SLC8A1: variants seen among roughly 807,000 people sequenced by gnomAD.
The protein encoded by SLC8A1 is solute carrier family 8 member A1.
Under a neutral mutation model 68.3 loss-of-function variants are expected in SLC8A1, and 18 were observed. The observed-to-expected ratio is 0.26, with a 90% CI of 0.18 to 0.39. The LOEUF (loss-of-function observed/expected upper bound fraction) is 0.39. Ranked by LOEUF, SLC8A1 falls within the 10% of genes least tolerant of loss-of-function variation. The pLI is 1.00. For missense variants in SLC8A1, 985 were observed against 1,156.7 expected (o/e 0.85, Z 2.15); for synonymous variants, 475 against 415.5 (o/e 1.14, Z -1.74).
At chr2:40,508,926 G>T (rs1337894001) in intron 1 of SLC8A1, among the ~76,000 whole-genome samples, 1 of 151,974 alleles carries the variant, frequency 6.6e-6, no homozygotes, top group Non-Finnish European at 1.5e-5. Flanking sequence ...TTCCTCAGGG[G>T]TACAATGTGG....
chr2:40,287,710 AG>A (rs1559103721), intron 2 of SLC8A1, among the ~76,000 whole-genome samples: 1 of 151,336 alleles, frequency 6.6e-6, no homozygotes, highest in Non-Finnish European at 1.5e-5. Context: ...GGGGAGGATG[AG>A]GGATAGGGAC....
chr2:40,442,526 G>A (rs1328269219), intron 1 of SLC8A1, among the ~76,000 whole-genome samples: 1 of 151,956 alleles, frequency 6.6e-6, no homozygotes, highest in South Asian at 2.1e-4. Context: ...CTGATCATTA[G>A]AGAAATGCAA....
chr2:40,213,305 T>C (rs1033391817), intron 2 of SLC8A1: 5 of 152,124 alleles, frequency 3.3e-5, no homozygotes, highest in African/African-American at 1.2e-4. Flanking sequence ...CCAAGGGAAA[T>C]AGCCTTTTCT....
At chr2:40,391,015 C>G (rs1304339445) in intron 2 of SLC8A1, among the ~76,000 whole-genome samples, 5 of 151,988 alleles carry the variant, frequency 3.3e-5, no homozygotes, top group Non-Finnish European at 7.4e-5. Flanking sequence ...AGAAAGATTA[C>G]TGACAAGATC....
At chr2:40,317,837 T>C (rs1010456873) in intron 2 of SLC8A1, among the ~76,000 whole-genome samples, 1 of 152,096 alleles carries the variant, frequency 6.6e-6, no homozygotes, top group African/African-American at 2.4e-5. Context: ...ATTTTTGAAA[T>C]TTACATTTTA....
At chr2:40,280,648 A>T (rs1224617318) in intron 2 of SLC8A1, among the ~76,000 whole-genome samples, 2 of 152,218 alleles carry the variant, frequency 1.3e-5, no homozygotes, top group African/African-American at 4.8e-5. Flanking sequence ...CTGGGGTCTT[A>T]CACTTCAGCA....
At position 40,364,509 on chromosome 2, in the gene SLC8A1, C is replaced by CTT. The variant is rs11377656; in HGVS notation, c.1808+63962_1808+63963dup. ...CTTTACAATCTAATAAAATTGAATC[C>CTT]TTTTTTTTTGTTGTTGTTCTCTCCC... On this transcript the variant is annotated intron_variant, in intron 2 of 7. Transcript: ENST00000406785. 2.8e-3 allele frequency among the ~76,000 whole-genome samples: 417 copies of CTT among 148,748 alleles called. 1 individual carries two copies. Among genetic ancestry groups the CTT allele is most frequent in the African/African-American group, 9.0e-3 (363 of 40,448 alleles).
At position 40,387,670 on chromosome 2, in the gene SLC8A1, G is replaced by A. The variant is rs191702102; in HGVS notation, c.1808+40803C>T. 5.2e-3 allele frequency among the ~76,000 whole-genome samples: 788 copies of A among 151,406 alleles called. 13 individuals carry two copies. The highest frequency in any genetic ancestry group is 8.0e-3 in the Non-Finnish European group (542 of 67,988). On this transcript the variant is annotated intron_variant, in intron 2 of 7. Transcript: ENST00000406785. ...GGGTACTTAAGAATTAGTTGTGGTG[G>A]CTCATGCCTGTAATCCCAAAACATT...
chr2:40,213,726 C>T (rs150988799), intron 2 of SLC8A1, among the ~76,000 whole-genome samples: 2 of 152,128 alleles, frequency 1.3e-5, no homozygotes, highest in African/African-American at 2.4e-5. Flanking sequence ...GTAGAAGGGG[C>T]GAAGTCCACT....
intron 2 of SLC8A1, among the ~76,000 whole-genome samples, chr2:40,216,383 T>C (rs1218920981): frequency 6.6e-6 from 1 of 152,212 alleles, no homozygotes; most frequent in Non-Finnish European, 1.5e-5. Context: ...ATGTACCACA[T>C]TTTCTTTATC....
chr2:40,129,466 A>G (rs1483843516), intron 7 of SLC8A1, among the ~76,000 whole-genome samples: 1 of 152,044 alleles, frequency 6.6e-6, no homozygotes, highest in Non-Finnish European at 1.5e-5. Context: ...GAACTCCTGG[A>G]CTAAAGCGAT....
At chr2:40,321,890 C>A (rs1051106342) in intron 2 of SLC8A1, among the ~76,000 whole-genome samples, 1 of 152,088 alleles carries the variant, frequency 6.6e-6, no homozygotes, top group Non-Finnish European at 1.5e-5. Context: ...AAAGTATTTT[C>A]CACTCATTTA....
chr2:40,135,834 A>G (rs888662067), intron 7 of SLC8A1, among the ~76,000 whole-genome samples: 6 of 152,208 alleles, frequency 3.9e-5, no homozygotes. Context: ...GAGAAAGGCA[A>G]GATGTGGAAA....
chr2:40,272,373 T>C (rs2066153570), intron 2 of SLC8A1, among the ~76,000 whole-genome samples: 1 of 152,086 alleles, frequency 6.6e-6, no homozygotes, highest in Non-Finnish European at 1.5e-5. Flanking sequence ...GGGAGAAAGG[T>C]TCTACCCACA....
intron 1 of SLC8A1, among the ~76,000 whole-genome samples, chr2:40,491,451 CT>C (rs1364372246): frequency 2.0e-5 from 3 of 152,126 alleles, no homozygotes; most frequent in African/African-American, 7.2e-5. Flanking sequence ...TTGACTTCCT[CT>C]TTTCCTAATT....
chr2:40,179,924 G>T (rs2148575426), intron 2 of SLC8A1, among the ~76,000 whole-genome samples: 1 of 152,168 alleles, frequency 6.6e-6, no homozygotes, highest in African/African-American at 2.4e-5. Flanking sequence ...GATTGGTTCT[G>T]GTTCCCTGAA....
intron 2 of SLC8A1, among the ~76,000 whole-genome samples, chr2:40,427,601 G>A (rs1697222676): frequency 6.6e-6 from 1 of 152,020 alleles, no homozygotes. Context: ...AGGCAAAGGG[G>A]GAACAGCCCT....
At chr2:40,372,716 C>T (rs185356740) in intron 2 of SLC8A1, among the ~76,000 whole-genome samples, 9 of 152,200 alleles carry the variant, frequency 5.9e-5, no homozygotes, top group African/African-American at 2.2e-4. Flanking sequence ...CACTTCCAGA[C>T]TAAGTTTGGG....
chr2:40,411,105 G>A (rs1452628610), intron 2 of SLC8A1, among the ~76,000 whole-genome samples: 1 of 151,962 alleles, frequency 6.6e-6, no homozygotes, highest in African/African-American at 2.4e-5. Flanking sequence ...AAATGATTAG[G>A]TAAGATAATG....
Sources: gnomAD v4.1 joint callset for allele counts (sites outside exome capture counted in the v4.1 genomes callset) on GRCh38, gnomAD v4.1.1 for gene constraint, MANE v1.5 for transcripts, NCBI Gene and HGNC (gene_info 2026-07-23, HGNC 2026-07-21) for gene names.